The following WIPF2 variants were observed in gnomAD, a reference collection of about 807,000 sequenced individuals.
The protein encoded by WIPF2 is WAS/WASL-interacting protein family member 2.
In WIPF2, 23 loss-of-function variants were observed where a neutral mutation model predicts 38.8. The ratio of observed to expected loss-of-function variants is 0.59; its 90% CI spans 0.43 to 0.84. The LOEUF (loss-of-function observed/expected upper bound fraction) is 0.84. WIPF2 is among the 40% of genes least tolerant of loss of function. WIPF2 has a pLI of 0.00. For synonymous variants in WIPF2, 210 were observed against 223.2 expected (o/e 0.94, Z 0.53); for missense variants, 574 against 580.5 (o/e 0.99, Z 0.11).
chr17:40,281,140 T>G lies in WIPF2; in HGVS notation c.*2915T>G, dbSNP rs184355920. On this transcript the variant is annotated 3_prime_UTR_variant, in exon 8 of 8. Transcript: ENST00000323571. The stretch of plus-strand genomic sequence containing the variant: ...GAATGTCGTCTCTTTCGTGGAAGAT[T>G]GGGTGGTCTCATGTTGAGGCTGTTG... The G allele has an allele frequency of 1.8e-4, 27 of 152,334 alleles. No homozygotes were observed. Among genetic ancestry groups the G allele is most frequent in the African/African-American group, 6.3e-4 (26 of 41,552 alleles). The allele number at this position is 152,334 out of a possible 1,614,324, so 9.4% of individuals were successfully genotyped here. A position where few individuals can be genotyped will look rare whatever the true frequency, so the allele number is the denominator to read the frequency against.
chr17:40,222,484 G>C (rs938600623), intron 1 of WIPF2, among the ~76,000 whole-genome samples: 1 of 150,282 alleles, frequency 6.7e-6, no homozygotes, highest in African/African-American at 2.4e-5. Flanking sequence ...CTCCAGCCTG[G>C]GCAACAAGAG....
At chr17:40,258,975 G>A (rs1475394405) in intron 2 of WIPF2, among the ~76,000 whole-genome samples, 1 of 137,484 alleles carries the variant, frequency 7.3e-6, no homozygotes, top group Non-Finnish European at 1.5e-5. Flanking sequence ...TAGGCCGGGT[G>A]CAGTGGCTCA....
intron 1 of WIPF2, among the ~76,000 whole-genome samples, chr17:40,230,484 G>C (rs1018222546): frequency 6.6e-6 from 1 of 152,064 alleles, no homozygotes; most frequent in African/African-American, 2.4e-5. Context: ...CTTGTGCAGT[G>C]AAACAGTTTT....
At chr17:40,224,231 C>CTTTTTTT (rs57637591) in intron 1 of WIPF2, among the ~76,000 whole-genome samples, 25 of 110,144 alleles carry the variant, frequency 2.3e-4, no homozygotes, top group East Asian at 5.5e-4. Flanking sequence ...CTTTTCTTTT[C>CTTTTTTT]TTTTTTTTTT....
chr17:40,264,602 G>C lies in WIPF2; in HGVS notation c.426G>C (p.Arg142=). Reference sequence around the variant, plus strand: ...CTCAGGATGATACAGACAGCAGCCGGGCCTCACTCCCAGAACTGCCCCGGA... The same window carrying C: ...CTCAGGATGATACAGACAGCAGCCGCGCCTCACTCCCAGAACTGCCCCGGA... The part of the protein sequence containing the change: ...GRPQDDTDSS[R]ASLPELPRMQ... The change falls in exon 5 of 8, where the codon CGG becomes CGC. Residue 142 remains arginine, a synonymous_variant. Transcript: ENST00000323571. The C allele has an allele frequency of 6.2e-7, 1 of 1,614,048 alleles. No homozygotes were observed. Among genetic ancestry groups the C allele is most frequent in the South Asian group, 1.1e-5 (1 of 91,090 alleles).
At chr17:40,224,548 G>A (rs2030401590) in intron 1 of WIPF2, among the ~76,000 whole-genome samples, 1 of 151,416 alleles carries the variant, frequency 6.6e-6, no homozygotes, top group African/African-American at 2.4e-5. Flanking sequence ...GCCCGGCCCA[G>A]CCTGCTTCTT....
At chr17:40,237,467 C>T (rs1208067068) in intron 1 of WIPF2, among the ~76,000 whole-genome samples, 7 of 152,004 alleles carry the variant, frequency 4.6e-5, no homozygotes, top group Non-Finnish European at 1.0e-4. Context: ...TCTCAAACTC[C>T]TGACCTCAAA....
intron 1 of WIPF2, among the ~76,000 whole-genome samples, chr17:40,241,249 T>A (rs548797715): frequency 6.6e-6 from 1 of 152,332 alleles, no homozygotes; most frequent in Admixed American, 6.5e-5. Context: ...CGCCCAGGGA[T>A]CTTTTTTTAA....
chr17:40,240,944 C>CAAAA (rs199547902), intron 1 of WIPF2, among the ~76,000 whole-genome samples: 12 of 87,022 alleles, frequency 1.4e-4, no homozygotes, highest in African/African-American at 4.4e-5. Context: ...GACTCCGTCT[C>CAAAA]AAAAAAAAAA....
intron 1 of WIPF2, among the ~76,000 whole-genome samples, chr17:40,252,795 C>T (rs1276680417): frequency 6.6e-6 from 1 of 151,112 alleles, no homozygotes; most frequent in African/African-American, 2.4e-5. Flanking sequence ...TGGAGTTTCG[C>T]TCTTGTTGCC....
At chr17:40,227,021 G>C (rs962389124) in intron 1 of WIPF2, among the ~76,000 whole-genome samples, 1 of 151,784 alleles carries the variant, frequency 6.6e-6, no homozygotes, top group Non-Finnish European at 1.5e-5. Flanking sequence ...GATTACAGGC[G>C]TGAGCCACCA....
At chr17:40,224,339 C>T (rs2030386719) in intron 1 of WIPF2, among the ~76,000 whole-genome samples, 1 of 146,316 alleles carries the variant, frequency 6.8e-6, no homozygotes, top group African/African-American at 2.5e-5. Flanking sequence ...TCACGCCATT[C>T]TCCTGCCTCA....
In WIPF2 at chr17:40,260,586, GC is replaced by G. The variant is rs1567720208; in HGVS notation, c.118del (p.Leu40SerfsTer11). The G allele has an allele frequency of 6.2e-7, 1 of 1,613,824 alleles. No individual in the cohort carries two copies. The highest frequency in any genetic ancestry group is 1.1e-5 in the South Asian group (1 of 91,058). On this transcript the variant is annotated frameshift_variant, in exon 3 of 8. Coordinates refer to ENST00000323571, the MANE Select transcript of WIPF2 (RefSeq NM_133264.5). LOFTEE classifies it high-confidence loss of function. ...TAGAGATGAGCAGCGGGGTCGAGGC[GC>G]CCTCTTACAGGACATTTGCAAAGGG... ...LSRDEQRGRG[A>X]LLQDICKGTK...
At chr17:40,241,335 A>T (rs2031183048) in intron 1 of WIPF2, among the ~76,000 whole-genome samples, 1 of 152,176 alleles carries the variant, frequency 6.6e-6, no homozygotes, top group African/African-American at 2.4e-5. Context: ...CTTTAGAAGG[A>T]TTCTTTTTAA....
rs928069028 is a variant in WIPF2, at chr17:40,256,525, A to G, written c.63+3A>G. On this transcript the variant is annotated splice_donor_region_variant and intron_variant, in intron 2 of 7. Coordinates refer to ENST00000323571, the MANE Select transcript of WIPF2 (RefSeq NM_133264.5). ...CTCCACCTCCCACATTTCATCAGGT[A>G]GGTAGTCCTTCCATTAGGCTATCTC... The G allele has an allele frequency of 1.9e-6, 3 of 1,603,796 alleles. No homozygotes were observed. The highest frequency in any genetic ancestry group is 2.3e-5 in the East Asian group (1 of 43,836).
chr17:40,221,073 C>T (rs1428178497), intron 1 of WIPF2, among the ~76,000 whole-genome samples: 7 of 151,996 alleles, frequency 4.6e-5, no homozygotes, highest in Admixed American at 1.3e-4. Context: ...TGAGCCCCTG[C>T]GCCTGTCCAG....
At chr17:40,237,208 G>A (rs947207370) in intron 1 of WIPF2, among the ~76,000 whole-genome samples, 2 of 146,726 alleles carry the variant, frequency 1.4e-5, no homozygotes, top group African/African-American at 5.0e-5. Flanking sequence ...TCCTAGGTTG[G>A]TACTCTAATT....
chr17:40,235,569 CTTTTTTTT>C (rs777748624), intron 1 of WIPF2, among the ~76,000 whole-genome samples: 4 of 119,898 alleles, frequency 3.3e-5, no homozygotes, highest in African/African-American at 1.2e-4. Flanking sequence ...GAGAGTGAGA[CTTTTTTTT>C]TTTTTTTTTT....
intron 1 of WIPF2, among the ~76,000 whole-genome samples, chr17:40,256,096 T>TAA (rs892748332): frequency 1.0e-4 from 10 of 96,952 alleles, no homozygotes; most frequent in Non-Finnish European, 1.7e-4. Context: ...CCAGGGTCTT[T>TAA]AAAAAAAAAA....
Sources: allele counts gnomAD v4.1 joint callset (sites outside exome capture counted in the v4.1 genomes callset), GRCh38; gene constraint gnomAD v4.1.1; transcripts MANE v1.5; gene names NCBI Gene and HGNC (gene_info 2026-07-23, HGNC 2026-07-21).